The following BBC3 variants were observed in gnomAD, a reference collection of about 807,000 sequenced individuals.
BBC3 encodes the protein BCL2 binding component 3.
Under a neutral mutation model 18.2 loss-of-function variants are expected in BBC3, and 5 were observed. The observed-to-expected ratio is 0.27, with a 90% CI of 0.14 to 0.58. BBC3 has a LOEUF of 0.58. BBC3 is among the 20% of genes least tolerant of loss of function. The pLI is 0.91. For missense variants in BBC3, 224 were observed against 268.9 expected (o/e 0.83, Z 1.17); for synonymous variants, 119 against 128.0 (o/e 0.93, Z 0.47).
Position 47,221,774 on chromosome 19 carries a change from C to T in BBC3, c.*28G>A, listed in dbSNP as rs762024851. The T allele has an allele frequency of 6.2e-7, 1 of 1,607,770 alleles. No individual in the cohort carries two copies. Among genetic ancestry groups the T allele is most frequent in the East Asian group, 2.2e-5 (1 of 44,806 alleles). ...TGGGAGGGGCCTGCCCCCCGAGTCC[C>T]TGACGTCCACCGGGCGGGTGCAGGC... On this transcript the variant is annotated 3_prime_UTR_variant, in exon 4 of 4. Coordinates refer to ENST00000439096, the MANE Select transcript of BBC3 (RefSeq NM_014417.5).
At chr19:47,231,246 G>GCCCCGCCCCGC, upstream of BBC3, 15 of 599,970 alleles carry the variant, frequency 2.5e-5, no homozygotes, top group Non-Finnish European at 2.9e-5. This position sits in a 1 kb window ranked among gnomAD's most constrained non-coding sequence, Gnocchi z 4.0. Context: ...GCCCCGCCCC[G>GCCCCGCCCCGC]CCCCGCCCCG....
In BBC3 at chr19:47,221,130, T is replaced by A. The variant is rs1335970203; in HGVS notation, c.*672A>T. Reference sequence around the variant, plus strand: ...ACGTGCTCTCTCTAAACCTATGCAATGGGATTGATGGGGCGGGGGGCGGTC... The same window carrying A: ...ACGTGCTCTCTCTAAACCTATGCAAAGGGATTGATGGGGCGGGGGGCGGTC... On this transcript the variant is annotated 3_prime_UTR_variant, in exon 4 of 4. Coordinates refer to ENST00000439096, the MANE Select transcript of BBC3 (RefSeq NM_014417.5). 6.4e-6 allele frequency: 1 copy of A among 156,126 alleles called. No individual in the cohort carries two copies. The highest frequency in any genetic ancestry group is 1.4e-5 in the Non-Finnish European group (1 of 71,198). The allele number at this position is 156,126 out of a possible 1,614,324, so 9.7% of individuals were successfully genotyped here.
chr19:47,226,927 C>T (rs1371405150), intron 2 of BBC3, 173 bp from the exon 3 acceptor site: 1 of 555,784 alleles, frequency 1.8e-6, no homozygotes, highest in African/African-American at 2.0e-5. Flanking sequence ...GCAAGAAGTA[C>T]CTGGGGACGC....
rs773140255 is a variant in BBC3, at chr19:47,226,530, C to T, written c.465+34G>A. 4.0e-6 allele frequency: 6 copies of T among 1,492,794 alleles called. No homozygotes were observed. In the South Asian group the frequency reaches 6.3e-5, roughly 16 times the overall value. The allele number at this position is 1,492,794 out of a possible 1,614,324, so 92.5% of individuals were successfully genotyped here. A position where few individuals can be genotyped will look rare whatever the true frequency, so the allele number is the denominator to read the frequency against. On this transcript the variant is annotated intron_variant, in intron 3 of 3. Coordinates refer to ENST00000439096, the MANE Select transcript of BBC3 (RefSeq NM_014417.5). ...TGCCGCCCCCTCCTCCGGCGGAAGT[C>T]CCACCTGCCGTCTACCCCACCCCCA...
chr19:47,228,053 G>C lies in BBC3; in HGVS notation c.274+105C>G, dbSNP rs952701251. 14 of 965,596 alleles carry C rather than the reference G, an allele frequency of 1.4e-5. No homozygotes were observed. Among genetic ancestry groups the C allele is most frequent in the African/African-American group, 1.7e-5 (1 of 58,426 alleles). 59.8% of individuals were successfully genotyped at this position (965,596 alleles called of 1,614,324 possible). On this transcript the variant is annotated intron_variant, in intron 2 of 3. Transcript: ENST00000439096. The surrounding 1 kb of genome is among the most constrained non-coding windows in gnomAD (Gnocchi z 5.5). ...CCACACCCTCCCAGTGGCCCGGCTG[G>C]GCCCGCCACCTCCCCCCGTCCTCTC...
At chr19:47,229,655 C>A (rs1302192991) in intron 1 of BBC3, among the ~76,000 whole-genome samples, 1 of 151,966 alleles carries the variant, frequency 6.6e-6, no homozygotes, top group Non-Finnish European at 1.5e-5. Flanking sequence ...CCAACACACA[C>A]ACACACACAC....
chr19:47,228,545 AG>A lies in BBC3; in HGVS notation c.-15-100del. The A allele has an allele frequency of 8.9e-7, 1 of 1,123,544 alleles. No individual in the cohort carries two copies. 69.6% of individuals were successfully genotyped at this position (1,123,544 alleles called of 1,614,324 possible). On this transcript the variant is annotated intron_variant, in intron 1 of 3. Coordinates refer to ENST00000439096, the MANE Select transcript of BBC3 (RefSeq NM_014417.5). The surrounding 1 kb of genome is among the most constrained non-coding windows in gnomAD (Gnocchi z 5.5). ...TTAGGACCCAGATGGAGAAGAGTGG[AG>A]GTGTGTGTGCATGCGGAGGGGGTGA...
Position 47,221,734 on chromosome 19 carries a change from C to T in BBC3, c.*68G>A. The T allele has an allele frequency of 6.2e-7, 1 of 1,602,496 alleles. No homozygotes were observed. The highest frequency in any genetic ancestry group is 2.2e-5 in the East Asian group (1 of 44,690). ...TGCAGAGAAAGTCCCCCGCGCTGGCCAGGGTGTCAGGAGGTGGGAGGGGCC... is the reference window on the plus strand; with the variant it reads ...TGCAGAGAAAGTCCCCCGCGCTGGCTAGGGTGTCAGGAGGTGGGAGGGGCC... On this transcript the variant is annotated 3_prime_UTR_variant, in exon 4 of 4. Transcript: ENST00000439096.
Position 47,226,846 on chromosome 19 carries a change from C to T in BBC3, c.275-92G>A, listed in dbSNP as rs2058832468. On this transcript the variant is annotated intron_variant, in intron 2 of 3. Transcript: ENST00000439096. ...CTCCCCTCTTTCCCAGCCACTGCTC[C>T]CCGCCTCATTTCTAGTGATCCCATC... The T allele has an allele frequency of 4.5e-6, 5 of 1,122,532 alleles. No individual in the cohort carries two copies. In the Admixed American group the frequency reaches 1.2e-4, roughly 26 times the overall value. The allele number at this position is 1,122,532 out of a possible 1,614,324, so 69.5% of individuals were successfully genotyped here.
In BBC3 at chr19:47,231,146, TGCCGCC is replaced by T. The variant is rs574000377; in HGVS notation, c.-239_-234del. ...TCGTGGCCGCTGCTGGGATCGCTGG[TGCCGCC>T]GCCGCCGCCGCCAGGCGCCCGCTCG... On this transcript the variant is annotated 5_prime_UTR_variant, in exon 1 of 4. Transcript: ENST00000439096. This position sits in a 1 kb window ranked among gnomAD's most constrained non-coding sequence, Gnocchi z 4.0. The T allele has an allele frequency of 2.0e-6, 2 of 983,906 alleles. No individual in the cohort carries two copies. Among genetic ancestry groups the T allele is most frequent in the Non-Finnish European group, 2.4e-6 (2 of 829,074 alleles). The allele number at this position is 983,906 out of a possible 1,614,324, so 60.9% of individuals were successfully genotyped here. A position where few individuals can be genotyped will look rare whatever the true frequency, so the allele number is the denominator to read the frequency against.
At chr19:47,224,915 C>CG (rs1555799380) in intron 3 of BBC3, among the ~76,000 whole-genome samples, 1 of 131,060 alleles carries the variant, frequency 7.6e-6, no homozygotes. Flanking sequence ...CTTTTTGTTT[C>CG]TTTTTTTTTT....
chr19:47,226,431 C>T (rs1030356520), intron 3 of BBC3, 133 bp downstream of exon 3: 2 of 295,080 alleles, frequency 6.8e-6, no homozygotes, highest in South Asian at 3.0e-5. Flanking sequence ...CACCCACTTA[C>T]CCCCCACCTG....
At chr19:47,225,068 C>T (rs1396540042) in intron 3 of BBC3, among the ~76,000 whole-genome samples, 1 of 152,120 alleles carries the variant, frequency 6.6e-6, no homozygotes, top group Non-Finnish European at 1.5e-5. Context: ...TGTGCCACCA[C>T]GCCTGGCTAA....
At chr19:47,232,593 C>A (rs982515440), upstream of BBC3, 1 of 1,534,050 alleles carries the variant, frequency 6.5e-7, no homozygotes, top group Non-Finnish European at 8.8e-7. Flanking sequence ...GACCCCATGC[C>A]AAATTTCATC....
At chr19:47,227,115 A>C (rs1273474266) in intron 2 of BBC3, 1 of 184,012 alleles carries the variant, frequency 5.4e-6, no homozygotes. Flanking sequence ...GCCCTTAGGG[A>C]GTATCCCAAG....
In BBC3 at chr19:47,230,250, T is replaced by C. The variant is rs1173734950; in HGVS notation, c.-16+679A>G. ...CCCGACGGGTCAGAAACCCCAACAT[T>C]CCTCTGGATCGACACCACCACTCCC... is the stretch of plus-strand genomic sequence containing the variant. On this transcript the variant is annotated intron_variant, in intron 1 of 3. Transcript: ENST00000439096. This position sits in a 1 kb window ranked among gnomAD's most constrained non-coding sequence, Gnocchi z 6.7. Among the ~76,000 whole-genome samples, 1 of 150,636 alleles carries C rather than the reference T, an allele frequency of 6.6e-6. No individual in the cohort carries two copies. The highest frequency in any genetic ancestry group is 2.5e-5 in the African/African-American group (1 of 40,792).
rs1343331107 is a variant in BBC3, at chr19:47,230,571, C to T, written c.-16+358G>A. ...GGCGCGCGCCCTGGGTGTGGCCGCC[C>T]CTCCGTGCCGCCCCCCCGCCCCTCC... On this transcript the variant is annotated intron_variant, in intron 1 of 3. Coordinates refer to ENST00000439096, the MANE Select transcript of BBC3 (RefSeq NM_014417.5). The surrounding 1 kb of genome is among the most constrained non-coding windows in gnomAD (Gnocchi z 6.7). Among the ~76,000 whole-genome samples the T allele has an allele frequency of 2.0e-5, 3 of 151,450 alleles. No individual in the cohort carries two copies. The highest frequency in any genetic ancestry group is 4.8e-5 in the African/African-American group (2 of 41,304).
intron 3 of BBC3, chr19:47,222,209 C>A: frequency 3.0e-6 from 1 of 330,110 alleles, no homozygotes; most frequent in Non-Finnish European, 5.6e-6. Context: ...AGAAAGACAT[C>A]CCCCAAGGGG....
At chr19:47,229,647 A>AACAC (rs142740252) in intron 1 of BBC3, among the ~76,000 whole-genome samples, 5 of 147,774 alleles carry the variant, frequency 3.4e-5, no homozygotes, top group South Asian at 2.1e-4. Context: ...CCTCAGACCC[A>AACAC]ACACACACAC....
Sources: gnomAD v4.1 joint callset for allele counts (sites outside exome capture counted in the v4.1 genomes callset) on GRCh38, gnomAD v4.1.1 for gene constraint, Gnocchi (gnomAD v3.1) non-coding constraint, MANE v1.5 for transcripts, NCBI Gene and HGNC (gene_info 2026-07-23, HGNC 2026-07-21) for gene names.